The following VCAM1 variants were observed in gnomAD, a reference collection of about 807,000 sequenced individuals.
VCAM1 encodes vascular cell adhesion protein 1.
A neutral mutation model predicts 63.8 loss-of-function variants in VCAM1; 41 were observed. That is an observed-to-expected ratio of 0.64 (90% CI 0.50 to 0.83). The LOEUF is 0.83. Among genes scored for constraint, VCAM1 ranks in the 40% least tolerant of loss-of-function variants. VCAM1 has a pLI of 0.00. For synonymous variants in VCAM1, 338 were observed against 320.7 expected, an observed-to-expected ratio of 1.05 and a Z score of -0.58; for missense variants, 798 against 875.5, an observed-to-expected ratio of 0.91 and a Z score of 1.12.
At chr1:100,723,653 A>G (rs1293308236) in intron 3 of VCAM1, among the ~76,000 whole-genome samples, 1 of 152,064 alleles carries the variant, frequency 6.6e-6, no homozygotes, top group East Asian at 1.9e-4. Context: ...AATAGGCTCA[A>G]ATGATAAAAC....
chr1:100,729,057 A>C, intron 4 of VCAM1, 50 bp from the exon 5 acceptor site: 1 of 1,472,846 alleles, frequency 6.8e-7, no homozygotes, highest in African/African-American at 1.4e-5. Context: ...GTGATGAAAA[A>C]AGAAAAGAAT....
intron 8 of VCAM1, chr1:100,735,055 CT>C: frequency 6.2e-6 from 2 of 321,594 alleles, no homozygotes; most frequent in African/African-American, 2.2e-5. Flanking sequence ...ATTTTCAAAC[CT>C]TTTCCCGGGA....
At chr1:100,737,936 AC>A in intron 8 of VCAM1, 186 bp from the exon 9 acceptor site, 1 of 579,422 alleles carries the variant, frequency 1.7e-6, no homozygotes, top group Non-Finnish European at 3.0e-6. Flanking sequence ...GACCATAGCA[AC>A]CACCAACTGA....
At chr1:100,730,811 GA>G (rs1467419912) in intron 5 of VCAM1, among the ~76,000 whole-genome samples, 3 of 152,080 alleles carry the variant, frequency 2.0e-5, no homozygotes, top group African/African-American at 7.2e-5. Context: ...AATATTAGGG[GA>G]CTAGTTTACA....
In VCAM1 at chr1:100,729,288, G is replaced by A. The variant is rs1660342682; in HGVS notation, c.1110G>A (p.Leu370=). Reference sequence around the variant, plus strand: ...AGGGGACCAATTCCACGCTGACCCTGAGCCCTGTGAGTTTTGAGAACGAAC... The same window carrying A: ...AGGGGACCAATTCCACGCTGACCCTAAGCCCTGTGAGTTTTGAGAACGAAC... ...RSEGTNSTLT[L]SPVSFENEHS... Residue 370 remains leucine, a synonymous_variant, in exon 5 of 9, where the codon CTG becomes CTA. Coordinates refer to ENST00000294728, the MANE Select transcript of VCAM1 (RefSeq NM_001078.4). The A allele has an allele frequency of 6.2e-7, 1 of 1,613,548 alleles. No homozygotes were observed.
At chr1:100,733,386 G>T (rs1195340851) in intron 7 of VCAM1, among the ~76,000 whole-genome samples, 1 of 152,028 alleles carries the variant, frequency 6.6e-6, no homozygotes, top group Non-Finnish European at 1.5e-5. Context: ...TTGTCATTTT[G>T]TCTATTACCC....
intron 5 of VCAM1, among the ~76,000 whole-genome samples, chr1:100,730,836 A>G (rs1660427012): frequency 6.6e-6 from 1 of 152,202 alleles, no homozygotes. Flanking sequence ...AGTATTCAAC[A>G]TAACATGGCA....
chr1:100,729,442 A>T, intron 5 of VCAM1, 60 bp downstream of exon 5: 1 of 1,499,842 alleles, frequency 6.7e-7, no homozygotes, highest in Non-Finnish European at 8.9e-7. Context: ...GAAGAAAAAG[A>T]ATGCAAGTCT....
In VCAM1 at chr1:100,731,131, A is replaced by G. The variant is rs866882070; in HGVS notation, c.1205-67A>G. 6.3e-5 allele frequency: 94 copies of G among 1,490,238 alleles called. No individual in the cohort carries two copies. The Middle Eastern group carries it at 8.5e-3, about 134-fold the overall frequency. The allele number at this position is 1,490,238 out of a possible 1,614,324, so 92.3% of individuals were successfully genotyped here. On this transcript the variant is annotated intron_variant, in intron 5 of 8. Transcript: ENST00000294728. The surrounding 1 kb of genome is among the most constrained non-coding windows in gnomAD (Gnocchi z 4.2). ...CTGTCATTTTTAGGCCTTTACATTT[A>G]ATAAAGCTTAGCTCAATTTTTCCTT...
In VCAM1 at chr1:100,732,440, C is replaced by T; in HGVS notation, c.1548C>T (p.Val516=). 3 of 1,584,422 alleles carry T rather than the reference C, an allele frequency of 1.9e-6. No individual in the cohort carries two copies. In the South Asian group the frequency reaches 3.5e-5, roughly 18 times the overall value. The change falls in exon 7 of 9, where the codon GTC becomes GTT. Residue 516 remains valine, a synonymous_variant. Coordinates refer to ENST00000294728, the MANE Select transcript of VCAM1 (RefSeq NM_001078.4). ...CAGTTGCCCCCAGAGATACAACCGT[C>T]TTGGTCAGCCCTTCCTCCATCCTGG... is the stretch of plus-strand genomic sequence containing the variant. The part of the protein sequence containing the change: ...YVNVAPRDTT[V]LVSPSSILEE...
intron 2 of VCAM1, among the ~76,000 whole-genome samples, chr1:100,721,375 T>C (rs1038102414): frequency 1.3e-5 from 2 of 152,040 alleles, no homozygotes; most frequent in Non-Finnish European, 2.9e-5. Context: ...ATTTATATAA[T>C]GAACTAGATT....
In VCAM1 at chr1:100,732,585, A is replaced by G. The variant is rs1207315091; in HGVS notation, c.1693A>G (p.Thr565Ala). 4 of 1,613,272 alleles carry G rather than the reference A, an allele frequency of 2.5e-6. No individual in the cohort carries two copies. In the African/African-American group the frequency reaches 4.0e-5, roughly 16 times the overall value. The change falls in exon 7 of 9, where the codon ACC (threonine) becomes GCC (alanine). Residue 565 changes from threonine (T) to alanine (A), a missense_variant. By Grantham distance (58) the Thr-to-Ala change is moderately conservative (BLOSUM62 0). Coordinates refer to ENST00000294728, the MANE Select transcript of VCAM1 (RefSeq NM_001078.4). Reference protein sequence around the residue: ...LQPLSENATLTLISTKMEDSG... With the variant: ...LQPLSENATLALISTKMEDSG... ...GCCTCTTTCTGAGAATGCAACTCTC[A>G]CCTTAATTTCTACAAAAATGGAAGA... is the stretch of plus-strand genomic sequence containing the variant.
rs1014717309 is a variant in VCAM1 at position 100,731,329 on chromosome 1, A to C, written c.1336A>C (p.Ile446Leu). 2 of 1,613,838 alleles carry C rather than the reference A, an allele frequency of 1.2e-6. No homozygotes were observed. Among genetic ancestry groups the C allele is most frequent in the Non-Finnish European group, 8.5e-7 (1 of 1,179,860 alleles). The change falls in exon 6 of 9, where the codon ATT becomes CTT. Residue 446 changes from isoleucine (I) to leucine (L), a missense_variant. Coordinates refer to ENST00000294728, the MANE Select transcript of VCAM1 (RefSeq NM_001078.4). The surrounding 1 kb of genome is among the most constrained non-coding windows in gnomAD (Gnocchi z 4.2). ...LEIELLKGET[I>L]LENIEFLEDT... ...GATTGAATTACTTAAGGGGGAGACT[A>C]TTCTGGAGAATATAGAGTTTTTGGA...
At position 100,734,522 on chromosome 1, in the gene VCAM1, C is replaced by T; in HGVS notation, c.1813C>T (p.Leu605Phe). Residue 605 changes from leucine to phenylalanine, a missense_variant, in exon 8 of 9, where the codon CTT (leucine) becomes TTT (phenylalanine). Leu to Phe is a conservative substitution (Grantham distance 22). Transcript: ENST00000294728. ...IIQVTPKDIK[L>F]TAFPSESVKE... is the part of the protein sequence containing the mutation. ...TACAGTTACTCCAAAAGACATAAAACTTACAGCTTTTCCTTCTGAGAGTGT... is the reference window on the plus strand; with the variant it reads ...TACAGTTACTCCAAAAGACATAAAATTTACAGCTTTTCCTTCTGAGAGTGT... 6.2e-7 allele frequency: 1 copy of T among 1,613,068 alleles called. No individual in the cohort carries two copies.
chr1:100,732,296 T>C (rs1660489369), intron 6 of VCAM1, 122 bp from the exon 7 acceptor site: 8 of 1,035,392 alleles, frequency 7.7e-6, no homozygotes, highest in African/African-American at 1.6e-5. Context: ...TTGTGGTGAA[T>C]TATCAAGGTT....
intron 4 of VCAM1, among the ~76,000 whole-genome samples, chr1:100,726,050 G>T (rs1396575785): frequency 6.6e-6 from 1 of 151,818 alleles, no homozygotes; most frequent in Non-Finnish European, 1.5e-5. Flanking sequence ...ACATCTCCTT[G>T]TTCCCTTCCA....
intron 5 of VCAM1, among the ~76,000 whole-genome samples, chr1:100,730,376 A>G (rs901951124): frequency 1.3e-5 from 2 of 152,150 alleles, no homozygotes; most frequent in Non-Finnish European, 2.9e-5. Context: ...ATATTTGAGC[A>G]TGTATCACTT....
chr1:100,728,715 A>AATATATATATATATATATATATAT (rs35811606), intron 4 of VCAM1, among the ~76,000 whole-genome samples: 20 of 145,040 alleles, frequency 1.4e-4, no homozygotes, highest in African/African-American at 4.6e-4. Flanking sequence ...ATTAAATGAG[A>AATATATATATATATATATATATAT]ATATATATAT....
intron 4 of VCAM1, among the ~76,000 whole-genome samples, chr1:100,725,903 G>A (rs994777082): frequency 8.6e-5 from 13 of 151,790 alleles, no homozygotes; most frequent in African/African-American, 3.1e-4. Context: ...GCTCTTTTGT[G>A]GTGATACATT....
Sources: allele counts gnomAD v4.1 joint callset (sites outside exome capture counted in the v4.1 genomes callset), GRCh38; gene constraint gnomAD v4.1.1; non-coding constraint Gnocchi (gnomAD v3.1); transcripts MANE v1.5; gene names NCBI Gene and HGNC (gene_info 2026-07-23, HGNC 2026-07-21).